Variants in PCDHA3 observed in about 807,000 individuals in gnomAD.
PCDHA3 encodes protocadherin alpha-3.
Under a neutral mutation model 62.2 loss-of-function variants are expected in PCDHA3, and 41 were observed. The observed-to-expected ratio is 0.66, with a 90% CI of 0.51 to 0.86. The LOEUF is 0.86. PCDHA3 is among the 40% of genes least tolerant of loss of function. The pLI is 0.00. For synonymous variants in PCDHA3, 640 were observed against 555.4 expected, an observed-to-expected ratio of 1.15 and a Z score of -2.14; for missense variants, 1,304 against 1,241.2, an observed-to-expected ratio of 1.05 and a Z score of -0.76.
At chr5:140,807,878 A>G in intron 1 of PCDHA3, 8 of 1,613,786 alleles carry the variant, frequency 5.0e-6, no homozygotes, top group Non-Finnish European at 6.8e-6. Flanking sequence ...GTTACTCATC[A>G]CAGTACTGGA....
Position 140,801,292 on chromosome 5 carries a change from A to T in PCDHA3, c.95A>T (p.His32Leu). ...AASEVGSGQLHYSVSEEAKHG... is the reference protein window; with the variant it reads ...AASEVGSGQLLYSVSEEAKHG... ...TCGGAGGTGGGGAGCGGCCAGCTCC[A>T]CTACTCCGTCTCTGAGGAGGCCAAG... The change falls in exon 1 of 4, where the codon CAC (histidine) becomes CTC (leucine). Residue 32 changes from histidine to leucine, a missense_variant. By Grantham distance (99) the His-to-Leu change is moderately conservative. Transcript: ENST00000522353. 6.2e-7 allele frequency: 1 copy of T among 1,613,480 alleles called. No individual in the cohort carries two copies.
Position 140,927,631 on chromosome 5 carries a change from C to T in PCDHA3, c.2395-51318C>T, listed in dbSNP as rs760961070. 1.7e-5 allele frequency: 28 copies of T among 1,614,068 alleles called. No homozygotes were observed. In the Admixed American group the frequency reaches 2.5e-4, roughly 14 times the overall value. On this transcript the variant is annotated intron_variant, in intron 1 of 3. Coordinates refer to ENST00000522353, the MANE Select transcript of PCDHA3 (RefSeq NM_018906.3). ...CCGCACCAAGGTTCCAGAGACTGCA[C>T]CCAATGGGACTGTGTTATTCCGAGT...
intron 1 of PCDHA3, chr5:140,883,260 C>A (rs1554177345): frequency 6.2e-7 from 1 of 1,613,946 alleles, no homozygotes; most frequent in Non-Finnish European, 8.5e-7. Context: ...ATTCCAATGG[C>A]GGGTCATTGT....
Position 140,803,422 on chromosome 5 carries a change from C to G in PCDHA3, c.2225C>G (p.Ser742Cys), listed in dbSNP as rs1554122806. ...CCGGGCAAGCCCACGCTGGTGTGCT[C>G]CAGCGCGGTGGGGAGCTGGTCATAC... ...CGPGKPTLVCSSAVGSWSYSQ... is the reference protein window; with the variant it reads ...CGPGKPTLVCCSAVGSWSYSQ... The change falls in exon 1 of 4, where the codon TCC becomes TGC. Residue 742 changes from serine to cysteine, a missense_variant. By Grantham distance (112) the Ser-to-Cys change is moderately radical. Coordinates refer to ENST00000522353, the MANE Select transcript of PCDHA3 (RefSeq NM_018906.3). 1 of 1,614,226 alleles carries G rather than the reference C, an allele frequency of 6.2e-7. No individual in the cohort carries two copies. Among genetic ancestry groups the G allele is most frequent in the East Asian group, 2.2e-5 (1 of 44,876 alleles).
intron 3 of PCDHA3, among the ~76,000 whole-genome samples, chr5:140,989,263 A>G (rs2097334941): frequency 6.6e-6 from 1 of 152,146 alleles, no homozygotes; most frequent in South Asian, 2.1e-4. Flanking sequence ...GGGAGATTCA[A>G]GTTTCTGCTG....
chr5:140,990,524 G>T (rs782064217), intron 3 of PCDHA3, among the ~76,000 whole-genome samples: 2 of 151,978 alleles, frequency 1.3e-5, no homozygotes, highest in Non-Finnish European at 2.9e-5. Flanking sequence ...TGTCTTTTTT[G>T]ACTGTGCATC....
At chr5:140,939,672 A>T (rs573857311) in intron 1 of PCDHA3, among the ~76,000 whole-genome samples, 1 of 152,314 alleles carries the variant, frequency 6.6e-6, no homozygotes, top group Non-Finnish European at 1.5e-5. Context: ...ACCAACTTGT[A>T]TGTATGTGTG....
intron 1 of PCDHA3, among the ~76,000 whole-genome samples, chr5:140,894,571 T>C (rs782019282): frequency 2.0e-5 from 3 of 151,906 alleles, no homozygotes; most frequent in Non-Finnish European, 4.4e-5. Flanking sequence ...TTATTTTCCT[T>C]TTTTTTAATA....
At chr5:140,980,897 A>G (rs2096910436) in intron 2 of PCDHA3, among the ~76,000 whole-genome samples, 1 of 152,186 alleles carries the variant, frequency 6.6e-6, no homozygotes, top group African/African-American at 2.4e-5. Context: ...AGTCTTGGAC[A>G]TCATGTAACT....
intron 1 of PCDHA3, among the ~76,000 whole-genome samples, chr5:140,896,034 C>T (rs2065325543): frequency 6.6e-6 from 1 of 152,192 alleles, no homozygotes; most frequent in South Asian, 2.1e-4. Flanking sequence ...TGGTCTCGAA[C>T]TCCTGACCTC....
At chr5:140,836,491 C>G (rs2150261960) in intron 1 of PCDHA3, 33 of 1,613,882 alleles carry the variant, frequency 2.0e-5, no homozygotes, top group Admixed American at 3.3e-5. Context: ...CTGATCATCG[C>G]CATCTGCGCG....
intron 1 of PCDHA3, chr5:140,821,922 G>A (rs141952109): frequency 6.2e-7 from 1 of 1,614,230 alleles, no homozygotes; most frequent in Non-Finnish European, 8.5e-7. Context: ...GCATCGCGCA[G>A]GACCTAGGGC....
At chr5:140,859,726 A>G (rs929910976) in intron 1 of PCDHA3, 1 of 154,384 alleles carries the variant, frequency 6.5e-6, no homozygotes, top group Admixed American at 6.4e-5. Context: ...AAATTGTGGC[A>G]AGAATTTAAG....
intron 1 of PCDHA3, among the ~76,000 whole-genome samples, chr5:140,906,125 T>G (rs1168148239): frequency 6.6e-6 from 1 of 152,028 alleles, no homozygotes; most frequent in Non-Finnish European, 1.5e-5. Flanking sequence ...GACACAAATG[T>G]TAGTCTCCTT....
At chr5:140,882,127 C>G in intron 1 of PCDHA3, 2 of 1,464,686 alleles carry the variant, frequency 1.4e-6, no homozygotes. Flanking sequence ...TTTCTTTCTT[C>G]CTGCAGAAAA....
chr5:140,871,877 G>A (rs1554165902), intron 1 of PCDHA3, among the ~76,000 whole-genome samples: 2 of 152,144 alleles, frequency 1.3e-5, no homozygotes, highest in African/African-American at 4.8e-5. Flanking sequence ...ATTTAAATTT[G>A]CTCCTCTTTG....
At chr5:140,867,550 C>G (rs2153229616) in intron 1 of PCDHA3, 1 of 152,198 alleles carries the variant, frequency 6.6e-6, no homozygotes, top group South Asian at 2.1e-4. Flanking sequence ...TTAGCATACA[C>G]ATATGATAAC....
rs373922357 is a variant in PCDHA3, at chr5:140,927,079, G to C, written c.2395-51870G>C. On this transcript the variant is annotated intron_variant, in intron 1 of 3. Coordinates refer to ENST00000522353, the MANE Select transcript of PCDHA3 (RefSeq NM_018906.3). ...CTTTCGCTTCCTTTCCAGCCACCGC[G>C]AGCTCTACTTCGGGGTGGATCTACC... The C allele has an allele frequency of 2.5e-6, 4 of 1,610,870 alleles. No individual in the cohort carries two copies. In the African/African-American group the frequency reaches 5.3e-5, roughly 22 times the overall value.
chr5:140,841,237 C>T (rs1428420937), intron 1 of PCDHA3: 16 of 1,479,782 alleles, frequency 1.1e-5, no homozygotes, highest in Middle Eastern at 2.0e-4. Context: ...GGAGATGCAG[C>T]GGAATTGGAT....
Sources: allele counts gnomAD v4.1 joint callset (sites outside exome capture counted in the v4.1 genomes callset), GRCh38; gene constraint gnomAD v4.1.1; transcripts MANE v1.5; gene names NCBI Gene and HGNC (gene_info 2026-07-23, HGNC 2026-07-21).